The following RBFOX1 variants were observed in gnomAD, a reference collection of about 807,000 sequenced individuals.
RBFOX1 encodes RNA binding fox-1 homolog 1.
In RBFOX1, 8 loss-of-function variants were observed where a neutral mutation model predicts 57.7. That is an observed-to-expected ratio of 0.14 (90% CI 0.08 to 0.25). RBFOX1 has a LOEUF of 0.25. Ranked by LOEUF, RBFOX1 falls within the 10% of genes least tolerant of loss-of-function variation. RBFOX1 has a pLI of 1.00. For synonymous variants in RBFOX1, 326 were observed against 222.4 expected (o/e 1.47, Z -4.15); for missense variants, 611 against 548.5 (o/e 1.11, Z -1.14).
At chr16:6,043,846 C>T (rs2095468359) in intron 1 of RBFOX1, among the ~76,000 whole-genome samples, 2 of 152,184 alleles carry the variant, frequency 1.3e-5, no homozygotes, top group African/African-American at 4.8e-5. Context: ...TTCTATTGTC[C>T]TGTGTCCTTC....
At chr16:6,158,516 A>G (rs2096854608) in intron 1 of RBFOX1, among the ~76,000 whole-genome samples, 6 of 152,162 alleles carry the variant, frequency 3.9e-5, no homozygotes, top group Non-Finnish European at 1.5e-5. Flanking sequence ...CTTATACATG[A>G]TTGCCTTTCA....
At chr16:7,157,694 C>T (rs948931033) in intron 4 of RBFOX1, among the ~76,000 whole-genome samples, 2 of 152,174 alleles carry the variant, frequency 1.3e-5, no homozygotes, top group African/African-American at 4.8e-5. Flanking sequence ...ACTCTACATG[C>T]AGTCCCACGC....
chr16:5,749,627 C>T (rs1364980841), intron 3 of RBFOX1, among the ~76,000 whole-genome samples: 1 of 152,204 alleles, frequency 6.6e-6, no homozygotes, highest in Admixed American at 6.5e-5. Context: ...GATCTTCAAT[C>T]ACTGATACCC....
chr16:7,215,458 C>A (rs1247515855), intron 4 of RBFOX1, among the ~76,000 whole-genome samples: 1 of 152,136 alleles, frequency 6.6e-6, no homozygotes, highest in East Asian at 1.9e-4. Context: ...GAAAATGTAG[C>A]ACATATACAC....
intron 1 of RBFOX1, among the ~76,000 whole-genome samples, chr16:5,444,891 C>G (rs747536311): frequency 1.6e-4 from 24 of 152,180 alleles, no homozygotes; most frequent in Non-Finnish European, 2.5e-4. Flanking sequence ...TATGCTGTTA[C>G]TAGCCCTATT....
intron 3 of RBFOX1, among the ~76,000 whole-genome samples, chr16:6,764,210 T>C (rs1444844039): frequency 3.9e-5 from 6 of 152,148 alleles, no homozygotes; most frequent in Non-Finnish European, 8.8e-5. Flanking sequence ...CTGAACTTCA[T>C]CTCAGTTTTA....
At chr16:5,483,388 G>C (rs545737228) in intron 2 of RBFOX1, among the ~76,000 whole-genome samples, 1 of 152,172 alleles carries the variant, frequency 6.6e-6, no homozygotes, top group Non-Finnish European at 1.5e-5. Flanking sequence ...TGCCCCCAGA[G>C]GAAGTACTGC....
intron 1 of RBFOX1, among the ~76,000 whole-genome samples, chr16:5,338,155 A>T (rs181526899): frequency 6.6e-6 from 1 of 151,592 alleles, no homozygotes; most frequent in African/African-American, 2.4e-5. Context: ...ACTGAGCCTT[A>T]TTGAGGCACC....
intron 4 of RBFOX1, among the ~76,000 whole-genome samples, chr16:7,405,320 C>T (rs565325848): frequency 1.0e-3 from 155 of 152,310 alleles, no homozygotes; most frequent in African/African-American, 3.3e-3. Context: ...AAACCTTTGC[C>T]GCTGGAAAGC....
intron 2 of RBFOX1, among the ~76,000 whole-genome samples, chr16:5,574,482 C>G (rs2046389382): frequency 6.6e-6 from 1 of 150,766 alleles, no homozygotes; most frequent in Non-Finnish European, 1.5e-5. Context: ...GTGGCACAAT[C>G]TTGGCTCACT....
intron 4 of RBFOX1, among the ~76,000 whole-genome samples, chr16:7,496,549 AATC>A (rs773158994): frequency 4.6e-5 from 7 of 152,024 alleles, no homozygotes; most frequent in Non-Finnish European, 8.8e-5. Flanking sequence ...ACATGAGTTT[AATC>A]ATCATCATCA....
intron 3 of RBFOX1, among the ~76,000 whole-genome samples, chr16:6,712,168 A>G (rs1359586722): frequency 6.6e-6 from 1 of 152,214 alleles, no homozygotes; most frequent in African/African-American, 2.4e-5. Context: ...CTCAATGAAC[A>G]GTAGCCATCA....
At chr16:5,376,755 G>A (rs899531823) in intron 1 of RBFOX1, among the ~76,000 whole-genome samples, 1 of 151,812 alleles carries the variant, frequency 6.6e-6, no homozygotes, top group African/African-American at 2.4e-5. Flanking sequence ...ATGACTGTCT[G>A]CTGAGTACTT....
intron 2 of RBFOX1, among the ~76,000 whole-genome samples, chr16:5,536,732 CAG>C (rs1291465589): frequency 1.3e-5 from 2 of 150,694 alleles, no homozygotes; most frequent in Admixed American, 6.6e-5. Flanking sequence ...AATGGGTCAA[CAG>C]GGAGCAGGTG....
Position 7,299,486 on chromosome 16 carries a change from G to A in RBFOX1, c.28-218661G>A, listed in dbSNP as rs146130656. Among the ~76,000 whole-genome samples, 9 of 152,266 alleles carry A rather than the reference G, an allele frequency of 5.9e-5. No individual in the cohort carries two copies. The East Asian group carries it at 1.2e-3, about 20-fold the overall frequency. On this transcript the variant is annotated intron_variant, in intron 4 of 15. Transcript: ENST00000550418. ...TTACACAGAATCAGGCTCTAATCTCGATCCTGTCATTACATGCAAAGCAAT... is the reference window on the plus strand; with the variant it reads ...TTACACAGAATCAGGCTCTAATCTCAATCCTGTCATTACATGCAAAGCAAT...
chr16:6,536,177 A>G (rs1599156118), intron 2 of RBFOX1, among the ~76,000 whole-genome samples: 1 of 152,206 alleles, frequency 6.6e-6, no homozygotes, highest in Non-Finnish European at 1.5e-5. Flanking sequence ...ACTACAGTCT[A>G]CCTCTTGTAT....
chr16:6,546,235 G>C (rs1347573322), intron 2 of RBFOX1, among the ~76,000 whole-genome samples: 1 of 152,202 alleles, frequency 6.6e-6, no homozygotes, highest in Non-Finnish European at 1.5e-5. Flanking sequence ...TATTGAGCAA[G>C]CATTTTCATG....
At chr16:5,814,247 C>T (rs533811849) in intron 3 of RBFOX1, among the ~76,000 whole-genome samples, 1 of 152,152 alleles carries the variant, frequency 6.6e-6, no homozygotes, top group Non-Finnish European at 1.5e-5. Flanking sequence ...CTTTGGGAAA[C>T]TGTATCACTG....
chr16:6,522,669 T>G (rs1375331834), intron 2 of RBFOX1, among the ~76,000 whole-genome samples: 1 of 152,152 alleles, frequency 6.6e-6, no homozygotes, highest in Non-Finnish European at 1.5e-5. Context: ...ATAACCAGGT[T>G]AATCTTTAGG....
Sources: allele counts gnomAD v4.1 joint callset (sites outside exome capture counted in the v4.1 genomes callset), GRCh38; gene constraint gnomAD v4.1.1; transcripts MANE v1.5; gene names NCBI Gene and HGNC (gene_info 2026-07-23, HGNC 2026-07-21).